The following NCOR1 variants were observed in gnomAD, a reference collection of about 807,000 sequenced individuals.
NCOR1 encodes nuclear receptor corepressor 1.
NCOR1 carries 63 observed loss-of-function variants against 288.1 expected under a neutral mutation model. The ratio of observed to expected loss-of-function variants is 0.22; its 90% CI spans 0.18 to 0.27. NCOR1 has a LOEUF of 0.27. Among genes scored for constraint, NCOR1 ranks in the 10% least tolerant of loss-of-function variants. The probability of loss-of-function intolerance (pLI) is 1.00; values close to 1 mark genes in which losing one functional copy is unlikely to be tolerated. For synonymous variants in NCOR1, 1,007 were observed against 1,065.9 expected, an observed-to-expected ratio of 0.94 and a Z score of 1.08; for missense variants, 2,397 against 3,019.2, an observed-to-expected ratio of 0.79 and a Z score of 4.83.
intron 42 of NCOR1, chr17:16,044,669 C>T (rs985333086): frequency 7.6e-6 from 5 of 661,842 alleles, no homozygotes; most frequent in African/African-American, 5.4e-5. Flanking sequence ...CCTCACTCTG[C>T]ATGACAATGA....
intron 8 of NCOR1, among the ~76,000 whole-genome samples, chr17:16,149,765 A>G (rs1196597345): frequency 6.6e-6 from 1 of 152,182 alleles, no homozygotes; most frequent in Non-Finnish European, 1.5e-5. Context: ...TTCAATTAGC[A>G]CATCCAATTA....
Position 16,057,679 on chromosome 17 carries a change from G to A in NCOR1, c.6227C>T (p.Pro2076Leu), listed in dbSNP as rs745872302. The stretch of plus-strand genomic sequence containing the variant: ...TGAGTTCTGGAATGTAGAAGTAGGA[G>A]GCTGCTGGGGAGTCTGCGAGGAAAC... ...NQVSSQTPQQ[P>L]PTSTFQNSPS... is the part of the protein sequence containing the mutation. Residue 2076 changes from proline (P) to leucine (L), a missense_variant, in exon 40 of 46, where the codon CCT becomes CTT. By Grantham distance (98) the Pro-to-Leu change is moderately conservative. Transcript: ENST00000268712. 2 of 1,614,058 alleles carry A rather than the reference G, an allele frequency of 1.2e-6. No individual in the cohort carries two copies. Among genetic ancestry groups the A allele is most frequent in the Non-Finnish European group, 8.5e-7 (1 of 1,180,022 alleles).
chr17:16,156,933 C>T (rs963428038), intron 6 of NCOR1, among the ~76,000 whole-genome samples: 1 of 151,874 alleles, frequency 6.6e-6, no homozygotes. Context: ...ATAATTATTA[C>T]CAAATCCAAT....
At chr17:16,117,452 G>C (rs1207628052) in intron 18 of NCOR1, among the ~76,000 whole-genome samples, 1 of 145,838 alleles carries the variant, frequency 6.9e-6, no homozygotes, top group African/African-American at 2.5e-5. Flanking sequence ...TTACATATAA[G>C]TGCAATAAAT....
chr17:16,163,752 C>CAA (rs2081382959), intron 5 of NCOR1, among the ~76,000 whole-genome samples: 1 of 152,154 alleles, frequency 6.6e-6, no homozygotes, highest in Non-Finnish European at 1.5e-5. Flanking sequence ...GAACACAACT[C>CAA]AAATATCCAT....
At chr17:16,099,448 T>C (rs1029399545) in intron 20 of NCOR1, among the ~76,000 whole-genome samples, 3 of 152,212 alleles carry the variant, frequency 2.0e-5, no homozygotes, top group African/African-American at 7.2e-5. Context: ...CTATAGGAAA[T>C]TGAAAGTGTT....
intron 1 of NCOR1, among the ~76,000 whole-genome samples, chr17:16,199,378 G>A (rs201424388): frequency 1.1e-4 from 16 of 151,994 alleles, no homozygotes; most frequent in Non-Finnish European, 1.8e-4. Flanking sequence ...TGAGATACAC[G>A]GCAACAGTGC....
chr17:16,030,820 G>C lies in NCOR1; in HGVS notation c.*1476C>G, dbSNP rs188146077. 1.7e-4 allele frequency: 31 copies of C among 184,056 alleles called. 2 individuals carry two copies. The highest frequency in any genetic ancestry group is 7.3e-4 in the African/African-American group (31 of 42,698). 11.4% of individuals were successfully genotyped at this position (184,056 alleles called of 1,614,324 possible). ...GGGATTAGACACCAGTGATAGGAGG[G>C]TCTTGGTCAGTAGCTAATCACAGAG... is the stretch of plus-strand genomic sequence containing the variant. On this transcript the variant is annotated 3_prime_UTR_variant, in exon 46 of 46. Transcript: ENST00000268712.
intron 14 of NCOR1, among the ~76,000 whole-genome samples, chr17:16,132,158 C>G (rs1420830623): frequency 6.6e-6 from 1 of 152,134 alleles, no homozygotes; most frequent in Non-Finnish European, 1.5e-5. Context: ...GGAATAAAAA[C>G]ACACTGGCAT....
chr17:16,042,299 G>GTCAT (rs3837816), intron 42 of NCOR1, among the ~76,000 whole-genome samples: 88,837 of 151,620 alleles, frequency 0.59, 26,756 homozygotes, highest in African/African-American at 0.7. Context: ...TGGAACAGGA[G>GTCAT]TCATTCATTT....
chr17:16,175,532 T>G (rs1463308754), intron 3 of NCOR1, among the ~76,000 whole-genome samples: 2 of 152,196 alleles, frequency 1.3e-5, no homozygotes, highest in Non-Finnish European at 2.9e-5. Flanking sequence ...CTTTAAAGAA[T>G]TTTAAAGCAG....
chr17:16,135,811 G>A (rs992042997), intron 14 of NCOR1, among the ~76,000 whole-genome samples: 6 of 152,186 alleles, frequency 3.9e-5, no homozygotes, highest in East Asian at 3.8e-4. Flanking sequence ...TGAATACTGA[G>A]AGAACTGGGT....
chr17:16,068,188 T>A, intron 31 of NCOR1, 67 bp from the exon 32 acceptor site: 1 of 1,260,892 alleles, frequency 7.9e-7, no homozygotes. Context: ...TTTGTCCATT[T>A]CTCAACCATT....
At chr17:16,126,254 A>G in intron 14 of NCOR1, 48 bp from the exon 15 acceptor site, 1 of 1,494,480 alleles carries the variant, frequency 6.7e-7, no homozygotes, top group Non-Finnish European at 8.9e-7. Context: ...AAACAGAAAT[A>G]GCTCCTTATA....
chr17:16,188,595 T>G (rs1370921518), intron 2 of NCOR1, among the ~76,000 whole-genome samples: 1 of 148,770 alleles, frequency 6.7e-6, no homozygotes, highest in Admixed American at 6.7e-5. Context: ...CAAGCAAAAG[T>G]GCAAGACTCC....
At position 16,070,411 on chromosome 17, in the gene NCOR1, C is replaced by A. The variant is rs758666228; in HGVS notation, c.4267G>T (p.Val1423Leu). ...TCTACCACTTTTATGTTCTCTGGCA[C>A]AATTTCCAGCGGAGGCATTCCACGG... Reference protein sequence around the residue: ...LSRGMPPLEIVPENIKVVERG... With the variant: ...LSRGMPPLEILPENIKVVERG... Residue 1423 changes from valine (V) to leucine (L), a missense_variant, in exon 31 of 46, where the codon GTG becomes TTG. Physicochemically the swap from Val to Leu is conservative, Grantham distance 32. This residue lies in a region of NCOR1 where 1,872 missense variants were observed against 2,187.8 expected (regional missense o/e 0.86). Transcript: ENST00000268712. 6.2e-7 allele frequency: 1 copy of A among 1,614,092 alleles called. No individual in the cohort carries two copies. The highest frequency in any genetic ancestry group is 1.7e-5 in the Admixed American group (1 of 60,014).
intron 14 of NCOR1, among the ~76,000 whole-genome samples, chr17:16,132,966 C>T (rs2075873126): frequency 6.7e-6 from 1 of 148,426 alleles, no homozygotes; most frequent in Non-Finnish European, 1.5e-5. Context: ...TTTTCTCTTT[C>T]TCTCTTCTTT....
In NCOR1 at chr17:16,030,049, T is replaced by C. The variant is rs1421542672; in HGVS notation, c.*2247A>G. ...TTTGACTCCTCCAAAACTTAACTAC[T>C]CATGGCCTACTGCTGACCAGAAGTC... is the stretch of plus-strand genomic sequence containing the variant. On this transcript the variant is annotated 3_prime_UTR_variant, in exon 46 of 46. Transcript: ENST00000268712. 3 of 175,118 alleles carry C rather than the reference T, an allele frequency of 1.7e-5. No individual in the cohort carries two copies. The highest frequency in any genetic ancestry group is 2.5e-5 in the Non-Finnish European group (2 of 81,270). The allele number at this position is 175,118 out of a possible 1,614,324, so 10.8% of individuals were successfully genotyped here.
At chr17:16,177,589 T>C (rs2084471590) in intron 3 of NCOR1, among the ~76,000 whole-genome samples, 1 of 152,126 alleles carries the variant, frequency 6.6e-6, no homozygotes, top group South Asian at 2.1e-4. Flanking sequence ...TACTGTTCTA[T>C]GGCCCGAGGG....
Sources: allele counts gnomAD v4.1 joint callset (sites outside exome capture counted in the v4.1 genomes callset), GRCh38; gene constraint gnomAD v4.1.1; regional missense constraint gnomAD v4.1.1; transcripts MANE v1.5; gene names NCBI Gene and HGNC (gene_info 2026-07-23, HGNC 2026-07-21).